The following ADRA1A variants were observed in gnomAD, a reference collection of about 807,000 sequenced individuals.
ADRA1A encodes adrenoceptor alpha 1A, also known as alpha-1A adrenergic receptor.
ADRA1A carries 31 observed loss-of-function variants against 29.6 expected under a neutral mutation model. The ratio of observed to expected loss-of-function variants is 1.05; its 90% CI spans 0.79 to 1.41. The LOEUF (loss-of-function observed/expected upper bound fraction) is 1.41. Among genes scored for constraint, ADRA1A ranks in the 40% most tolerant of loss-of-function variants. ADRA1A has a pLI of 0.00. For synonymous variants in ADRA1A, 311 were observed against 254.3 expected (o/e 1.22, Z -2.12); for missense variants, 619 against 601.1 (o/e 1.03, Z -0.31).
rs564167692 is a variant in ADRA1A, at chr8:26,789,813, G to C, written c.884-19147C>G. Among the ~76,000 whole-genome samples the C allele has an allele frequency of 1.2e-4, 19 of 152,216 alleles. No individual in the cohort carries two copies. The East Asian group carries it at 3.7e-3, about 29-fold the overall frequency. On this transcript the variant is annotated intron_variant, in intron 2 of 2. Transcript: ENST00000380573. ...TTAAAAAGGGAAAATAATCTGAACA[G>C]ATATTTCTCAAAAGAAGACATACAA...
chr8:26,773,742 G>A lies in ADRA1A; in HGVS notation c.884-3076C>T, dbSNP rs78223223. ...GCTTACAGAACCCAGTTTTGCACTCGTAAATCTCAACATTTCCTTTTAGTC... is the reference window on the plus strand; with the variant it reads ...GCTTACAGAACCCAGTTTTGCACTCATAAATCTCAACATTTCCTTTTAGTC... On this transcript the variant is annotated intron_variant, in intron 2 of 2. Transcript: ENST00000380573. Among the ~76,000 whole-genome samples, 683 of 152,202 alleles carry A rather than the reference G, an allele frequency of 4.5e-3. 15 individuals carry two copies. In the East Asian group the frequency reaches 0.05, roughly 11 times the overall value.
chr8:26,827,664 A>C (rs995618045), intron 2 of ADRA1A, among the ~76,000 whole-genome samples: 5 of 146,254 alleles, frequency 3.4e-5, no homozygotes, highest in South Asian at 4.4e-4. Flanking sequence ...CAATTTATTT[A>C]TTTTTTCTTA....
At chr8:26,824,473 C>T (rs578195378) in intron 2 of ADRA1A, among the ~76,000 whole-genome samples, 20 of 152,056 alleles carry the variant, frequency 1.3e-4, no homozygotes, top group South Asian at 2.1e-4. Context: ...TTGTGAGGAT[C>T]GAACAAGGTA....
intron 2 of ADRA1A, among the ~76,000 whole-genome samples, chr8:26,757,300 C>A (rs949946113): frequency 6.6e-6 from 1 of 152,168 alleles, no homozygotes; most frequent in South Asian, 2.1e-4. Context: ...TGGCTGACTA[C>A]CCCGTCAGCC....
intron 2 of ADRA1A, among the ~76,000 whole-genome samples, chr8:26,751,023 T>C (rs1015560412): frequency 1.3e-5 from 2 of 151,078 alleles, no homozygotes; most frequent in African/African-American, 2.4e-5. Context: ...GAGCCGAGAT[T>C]GTGCTATTGC....
intron 2 of ADRA1A, among the ~76,000 whole-genome samples, chr8:26,858,020 A>T (rs2130776460): frequency 6.6e-6 from 1 of 152,344 alleles, no homozygotes; most frequent in East Asian, 1.9e-4. Context: ...TGAATGAATC[A>T]TTCTCTGCCT....
downstream of ADRA1A, among the ~76,000 whole-genome samples, chr8:26,768,013 C>T (rs1805882271): frequency 6.6e-6 from 1 of 152,200 alleles, no homozygotes; most frequent in Non-Finnish European, 1.5e-5. Context: ...CGGCCAACAT[C>T]TCAGTGCCAG....
intron 2 of ADRA1A, among the ~76,000 whole-genome samples, chr8:26,789,372 C>T (rs1019597544): frequency 2.0e-4 from 31 of 152,114 alleles, no homozygotes; most frequent in African/African-American, 5.8e-4. Flanking sequence ...TTGCAGCTAA[C>T]TGATTTTCAA....
Position 26,759,521 on chromosome 8 carries a change from T to C in ADRA1A, c.1270-2742A>G, listed in dbSNP as rs529965154. ...GAATTTGGGCATCCTTATTTGTAGA[T>C]TCAAGCTGTCATTCAGCACCACATT... On this transcript the variant is annotated intron_variant, in intron 2 of 2. Transcript: ENST00000380582. 3.6e-4 allele frequency among the ~76,000 whole-genome samples: 55 copies of C among 152,314 alleles called. 1 individual carries two copies. In the South Asian group the frequency reaches 9.8e-3, roughly 27 times the overall value.
intron 2 of ADRA1A, among the ~76,000 whole-genome samples, chr8:26,836,765 G>C (rs1811394690): frequency 6.6e-6 from 1 of 152,180 alleles, no homozygotes; most frequent in African/African-American, 2.4e-5. Context: ...AGAGATGTGA[G>C]AAATTTTAAA....
intron 2 of ADRA1A, among the ~76,000 whole-genome samples, chr8:26,812,837 C>T (rs1184130524): frequency 1.3e-5 from 2 of 151,174 alleles, no homozygotes; most frequent in African/African-American, 4.9e-5. Flanking sequence ...GCTAATTTTT[C>T]TGTATTTTTA....
intron 2 of ADRA1A, among the ~76,000 whole-genome samples, chr8:26,785,362 C>T (rs1585684228): frequency 6.6e-6 from 1 of 152,198 alleles, no homozygotes; most frequent in East Asian, 1.9e-4. Flanking sequence ...ATAATCACCT[C>T]ATATAAACAC....
chr8:26,782,120 C>A (rs1292296674), intron 2 of ADRA1A, among the ~76,000 whole-genome samples: 1 of 152,116 alleles, frequency 6.6e-6, no homozygotes, highest in Non-Finnish European at 1.5e-5. Context: ...ATGAATAAAC[C>A]CTTGCTCTTC....
chr8:26,814,878 A>C (rs1809654523), intron 2 of ADRA1A, among the ~76,000 whole-genome samples: 1 of 152,198 alleles, frequency 6.6e-6, no homozygotes, highest in Non-Finnish European at 1.5e-5. Context: ...AAGTCCTTTA[A>C]AATTAAAATA....
chr8:26,759,373 CTT>C (rs199869559), intron 2 of ADRA1A, among the ~76,000 whole-genome samples: 1 of 151,334 alleles, frequency 6.6e-6, no homozygotes, highest in Admixed American at 6.6e-5. Flanking sequence ...AAGTATGACT[CTT>C]TTTTTTTAAA....
chr8:26,849,810 T>A (rs540718209), intron 2 of ADRA1A, among the ~76,000 whole-genome samples: 1 of 152,136 alleles, frequency 6.6e-6, no homozygotes, highest in East Asian at 1.9e-4. Context: ...ATCTCTAAAT[T>A]GTATTCAAAC....
rs555018398 is a variant in ADRA1A, at chr8:26,822,664, G to A, written c.883+41423C>T. ...TTACTCAAGGATGGTTTAGATACAG[G>A]CTGTATTAGTCTGTTCTCACATTGC... On this transcript the variant is annotated intron_variant, in intron 2 of 2. Coordinates refer to ENST00000380573, the MANE Select transcript of ADRA1A (RefSeq NM_000680.4). Among the ~76,000 whole-genome samples the A allele has an allele frequency of 5.9e-5, 9 of 152,328 alleles. No individual in the cohort carries two copies. In the South Asian group the frequency reaches 1.9e-3, roughly 32 times the overall value.
At chr8:26,803,926 T>A (rs1808779595) in intron 2 of ADRA1A, among the ~76,000 whole-genome samples, 1 of 143,982 alleles carries the variant, frequency 6.9e-6, no homozygotes, top group South Asian at 2.3e-4. Context: ...TTCCTTTTTT[T>A]TTTTTTTTTT....
At chr8:26,817,957 G>A (rs1203806209) in intron 2 of ADRA1A, among the ~76,000 whole-genome samples, 1 of 152,224 alleles carries the variant, frequency 6.6e-6, no homozygotes, top group African/African-American at 2.4e-5. Context: ...TTCAGCTGGG[G>A]ATTGATGAAT....
Sources: allele counts gnomAD v4.1 joint callset (sites outside exome capture counted in the v4.1 genomes callset), GRCh38; gene constraint gnomAD v4.1.1; transcripts MANE v1.5; gene names NCBI Gene and HGNC (gene_info 2026-07-23, HGNC 2026-07-21).